LRP4: variants seen among roughly 807,000 people sequenced by gnomAD.
LRP4 encodes LDL receptor related protein 4, also known as low-density lipoprotein receptor-related protein 4.
In LRP4, 95 loss-of-function variants were observed where a neutral mutation model predicts 220.3. That is an observed-to-expected ratio of 0.43 (90% CI 0.37 to 0.51). The LOEUF (loss-of-function observed/expected upper bound fraction) is 0.51, where lower values mean the gene tolerates loss of function less well. LRP4 is among the 20% of genes least tolerant of loss of function. LRP4 has a pLI of 0.00. For synonymous variants in LRP4, 903 were observed against 954.6 expected, an observed-to-expected ratio of 0.95 and a Z score of 1.00; for missense variants, 1,925 against 2,567.0, an observed-to-expected ratio of 0.75 and a Z score of 5.40.
intron 34 of LRP4, among the ~76,000 whole-genome samples, chr11:46,866,307 A>G (rs1320607783): frequency 6.6e-6 from 1 of 150,394 alleles, no homozygotes; most frequent in Admixed American, 6.6e-5. Context: ...TTTTTGAGAC[A>G]GGGTCTCAGT....
Position 46,873,553 on chromosome 11 carries a change from C to T in LRP4, c.4270G>A (p.Gly1424Arg), listed in dbSNP as rs1026948492. The change falls in exon 29 of 38, where the codon GGG (glycine) becomes AGG (arginine). Residue 1424 changes from glycine (G) to arginine (R), a missense_variant. This residue lies in a region of LRP4 where 1,244 missense variants were observed against 1,624.9 expected (regional missense o/e 0.77). Transcript: ENST00000378623. The surrounding 1 kb of genome is among the most constrained non-coding windows in gnomAD (Gnocchi z 4.2). The stretch of plus-strand genomic sequence containing the variant: ...CCGTCAGTGGTCTTCAGCCCTCGCC[C>T]GATCACTGTCTCCATGTTGCTGCCG... Reference protein sequence around the residue: ...LNGSNMETVIGRGLKTTDGLA... With the variant: ...LNGSNMETVIRRGLKTTDGLA... 8.7e-6 allele frequency: 14 copies of T among 1,613,854 alleles called. No homozygotes were observed. Among genetic ancestry groups the T allele is most frequent in the Admixed American group, 1.7e-5 (1 of 60,006 alleles).
At chr11:46,874,739 C>T (rs536454867) in intron 28 of LRP4, 61 bp downstream of exon 28, 1 of 1,501,062 alleles carries the variant, frequency 6.7e-7, no homozygotes, top group Admixed American at 1.7e-5. Flanking sequence ...AGAACACAAC[C>T]TCACCCATGG....
chr11:46,865,205 T>G lies in LRP4; in HGVS notation c.5088-19A>C, dbSNP rs1338147762. The G allele has an allele frequency of 1.9e-6, 3 of 1,541,756 alleles. No homozygotes were observed. The highest frequency in any genetic ancestry group is 2.6e-6 in the Non-Finnish European group (3 of 1,137,428). ...AGAGCATCTGTGGGGCACAGAAAAC[T>G]GGATGTGAAGCCTACTCATACTCAG... On this transcript the variant is annotated intron_variant, in intron 34 of 37. Transcript: ENST00000378623.
chr11:46,880,812 G>A (rs1049156193), intron 20 of LRP4, among the ~76,000 whole-genome samples: 1 of 150,832 alleles, frequency 6.6e-6, no homozygotes, highest in Non-Finnish European at 1.5e-5. Context: ...ATGGTGGCTC[G>A]TGCCTATAAT....
Position 46,896,960 on chromosome 11 carries a change from A to G in LRP4, c.831T>C (p.Cys277=), listed in dbSNP as rs757327950. ...TSMCTAEQFR[C]HSGRCVRLSW... ...ACAGGCGGACACAGCGGCCTGAGTG[A>G]CAGCGGAACTGTTCTGCCGTACACA... is the stretch of plus-strand genomic sequence containing the variant. Residue 277 remains cysteine, a synonymous_variant, in exon 8 of 38, where the codon TGT becomes TGC. Coordinates refer to ENST00000378623, the MANE Select transcript of LRP4 (RefSeq NM_002334.4). 12 of 1,614,210 alleles carry G rather than the reference A, an allele frequency of 7.4e-6. No homozygotes were observed. Among genetic ancestry groups the G allele is most frequent in the Non-Finnish European group, 1.0e-5 (12 of 1,180,026 alleles).
Position 46,876,617 on chromosome 11 carries a change from G to A in LRP4, c.3385C>T (p.Leu1129Phe), listed in dbSNP as rs776789609. 4 of 1,614,178 alleles carry A rather than the reference G, an allele frequency of 2.5e-6. No individual in the cohort carries two copies. The highest frequency in any genetic ancestry group is 3.4e-6 in the Non-Finnish European group (4 of 1,180,038). The change falls in exon 25 of 38, where the codon CTC (leucine) becomes TTC (phenylalanine). Residue 1129 changes from leucine (L) to phenylalanine (F), a missense_variant. Around this residue, in one of 3 missense-constraint regions of LRP4, gnomAD observed 1,244 missense variants for 1,624.9 expected, o/e 0.77. Coordinates refer to ENST00000378623, the MANE Select transcript of LRP4 (RefSeq NM_002334.4). ...ITTGLQTTDG[L>F]AVDAIGRKVY... The stretch of plus-strand genomic sequence containing the variant: ...TTCCGGCCAATGGCATCAACCGCGA[G>A]CCCATCTGTGGTCTGTAGCCCTGTG...
chr11:46,876,645 A>T lies in LRP4; in HGVS notation c.3365-8T>A. The T allele has an allele frequency of 6.2e-7, 1 of 1,614,126 alleles. No individual in the cohort carries two copies. On this transcript the variant is annotated splice_polypyrimidine_tract_variant and splice_region_variant and intron_variant, in intron 24 of 37. Transcript: ENST00000378623. ...CATCTGTGGTCTGTAGCCCTGTGGG[A>T]AGTCAAAAGAGCACACTGGCTCCTA...
At chr11:46,900,147 G>C in intron 3 of LRP4, 115 bp downstream of exon 3, 6 of 996,134 alleles carry the variant, frequency 6.0e-6, no homozygotes, top group Non-Finnish European at 9.6e-6. Flanking sequence ...TGAAAGGACA[G>C]GACAAAGTGC....
rs755937179 is a variant in LRP4 at position 46,894,834 on chromosome 11, A to G, written c.1310-15T>C. 4 of 1,610,224 alleles carry G rather than the reference A, an allele frequency of 2.5e-6. No individual in the cohort carries two copies. Among genetic ancestry groups the G allele is most frequent in the Non-Finnish European group, 3.4e-6 (4 of 1,176,596 alleles). ...AGGCTCTGGCCCTGGGAAACAGTAT[A>G]AACATGGGATACCCACTGGGTTTCA... is the stretch of plus-strand genomic sequence containing the variant. On this transcript the variant is annotated splice_polypyrimidine_tract_variant and intron_variant, in intron 11 of 37. Transcript: ENST00000378623.
chr11:46,864,639 C>G, intron 35 of LRP4, 104 bp from the exon 36 acceptor site: 1 of 793,980 alleles, frequency 1.3e-6, no homozygotes, highest in Non-Finnish European at 2.2e-6. Flanking sequence ...GGTGTTGGAC[C>G]CCATACCATC....
Position 46,876,466 on chromosome 11 carries a change from C to A in LRP4, c.3536G>T (p.Gly1179Val). 6.2e-7 allele frequency: 1 copy of A among 1,614,200 alleles called. No homozygotes were observed. Among genetic ancestry groups the A allele is most frequent in the Non-Finnish European group, 8.5e-7 (1 of 1,180,042 alleles). Residue 1179 changes from glycine to valine, a missense_variant and splice_region_variant, in exon 25 of 38, where the codon GGG becomes GTG. Physicochemically the swap from Gly to Val is moderately radical, Grantham distance 109. Transcript: ENST00000378623. ...PRAIVLYHEM[G>V]FMYWTDWGEN... is the part of the protein sequence containing the mutation. The stretch of plus-strand genomic sequence containing the variant: ...CCAGTGCGATACAGCCAGCTCTCAC[C>A]CCATCTCATGGTACAGTACGATGGC...
rs112100846 is a variant in LRP4 at position 46,874,086 on chromosome 11, G to A, written c.4230-493C>T. The stretch of plus-strand genomic sequence containing the variant: ...CTCCCAAAGTGCTGGGATTATAGGC[G>A]CGAGCTACCACGCCAGACCCTAATT... On this transcript the variant is annotated intron_variant, in intron 28 of 37. Coordinates refer to ENST00000378623, the MANE Select transcript of LRP4 (RefSeq NM_002334.4). 1.0e-3 allele frequency: 180 copies of A among 174,312 alleles called. 1 individual carries two copies. Among genetic ancestry groups the A allele is most frequent in the African/African-American group, 4.1e-3 (171 of 41,928 alleles). 10.8% of individuals were successfully genotyped at this position (174,312 alleles called of 1,614,324 possible).
In LRP4 at chr11:46,890,045, T is replaced by C; in HGVS notation, c.1991A>G (p.Asn664Ser). ...YWTDWHTKSI[N>S]SANKFTGKNQ... ...CTTCCCCGTAAATTTGTTAGCGCTA[T>C]TGATGCTCTTGGTGTGCCAGTCTGT... The change falls in exon 15 of 38, where the codon AAT becomes AGT. Residue 664 changes from asparagine (N) to serine (S), a missense_variant. Asn to Ser is a conservative substitution (Grantham distance 46). This residue lies in a region of LRP4 where 269 missense variants were observed against 436.7 expected (regional missense o/e 0.62). Coordinates refer to ENST00000378623, the MANE Select transcript of LRP4 (RefSeq NM_002334.4). The surrounding 1 kb of genome is among the most constrained non-coding windows in gnomAD (Gnocchi z 5.3). 1 of 1,614,140 alleles carries C rather than the reference T, an allele frequency of 6.2e-7. No individual in the cohort carries two copies. Among genetic ancestry groups the C allele is most frequent in the South Asian group, 1.1e-5 (1 of 91,078 alleles).
chr11:46,904,564 T>C (rs1941728129), intron 1 of LRP4, among the ~76,000 whole-genome samples: 1 of 152,164 alleles, frequency 6.6e-6, no homozygotes, highest in Non-Finnish European at 1.5e-5. Flanking sequence ...TCCCTGATGC[T>C]ACAGGTATAA....
chr11:46,888,576 A>AAAAAAAAAT (rs1941352177), intron 16 of LRP4, among the ~76,000 whole-genome samples: 1 of 147,868 alleles, frequency 6.8e-6, no homozygotes, highest in Non-Finnish European at 1.5e-5. Flanking sequence ...AAAAAAAAGA[A>AAAAAAAAAT]TGCAAGGGGA....
At chr11:46,871,227 A>G (rs979467774) in intron 31 of LRP4, among the ~76,000 whole-genome samples, 14 of 152,102 alleles carry the variant, frequency 9.2e-5, no homozygotes, top group African/African-American at 3.1e-4. Context: ...GCTTCTCTAT[A>G]ATCTCTATAG....
Position 46,899,120 on chromosome 11 carries a change from C to T in LRP4, c.548-88G>A. 1.5e-6 allele frequency: 2 copies of T among 1,310,058 alleles called. No individual in the cohort carries two copies. The highest frequency in any genetic ancestry group is 1.1e-6 in the Non-Finnish European group (1 of 930,600). The allele number at this position is 1,310,058 out of a possible 1,614,324, so 81.2% of individuals were successfully genotyped here. On this transcript the variant is annotated intron_variant, in intron 5 of 37. Coordinates refer to ENST00000378623, the MANE Select transcript of LRP4 (RefSeq NM_002334.4). This position sits in a 1 kb window ranked among gnomAD's most constrained non-coding sequence, Gnocchi z 5.9. ...TGATTCCTCAAGCAGGCAGGATGCT[C>T]AGGCAGGAGAGCTTCTTCAAGTGAG...
At position 46,899,516 on chromosome 11, in the gene LRP4, G is replaced by A. The variant is rs7481617; in HGVS notation, c.431-13C>T. 4 of 1,587,334 alleles carry A rather than the reference G, an allele frequency of 2.5e-6. No homozygotes were observed. Among genetic ancestry groups the A allele is most frequent in the Non-Finnish European group, 2.6e-6 (3 of 1,157,330 alleles). On this transcript the variant is annotated splice_polypyrimidine_tract_variant and intron_variant, in intron 4 of 37. Coordinates refer to ENST00000378623, the MANE Select transcript of LRP4 (RefSeq NM_002334.4). The surrounding 1 kb of genome is among the most constrained non-coding windows in gnomAD (Gnocchi z 5.9). Reference sequence around the variant, plus strand: ...CACTTGCGCATGTCTGGGGGGATGCGATGGGACAGCAGTTCTGAGGGGGCC... The same window carrying A: ...CACTTGCGCATGTCTGGGGGGATGCAATGGGACAGCAGTTCTGAGGGGGCC...
At chr11:46,900,547 C>T (rs570496437) in intron 2 of LRP4, among the ~76,000 whole-genome samples, 169 bp from the exon 3 acceptor site, 106 of 152,310 alleles carry the variant, frequency 7.0e-4, no homozygotes, top group African/African-American at 2.3e-3. Flanking sequence ...TCTTGGCTCA[C>T]TGCAACCTCT....
Sources: gnomAD v4.1 joint callset for allele counts (sites outside exome capture counted in the v4.1 genomes callset) on GRCh38, gnomAD v4.1.1 for gene constraint, gnomAD v4.1.1 regional missense constraint, Gnocchi (gnomAD v3.1) non-coding constraint, MANE v1.5 for transcripts, NCBI Gene and HGNC (gene_info 2026-07-23, HGNC 2026-07-21) for gene names.